Variants in TEAD2 observed in about 807,000 individuals in gnomAD.
TEAD2 encodes TEA domain transcription factor 2.
TEAD2 carries 51 observed loss-of-function variants against 61.4 expected under a neutral mutation model. The ratio of observed to expected loss-of-function variants is 0.83; its 90% CI spans 0.66 to 1.05. The LOEUF is 1.05. TEAD2 is among the 50% of genes least tolerant of loss of function. The pLI is 0.00. For synonymous variants in TEAD2, 244 were observed against 243.2 expected (o/e 1.00, Z -0.03); for missense variants, 509 against 600.0 (o/e 0.85, Z 1.58).
chr19:49,341,662 A>C lies in TEAD2; in HGVS notation c.1243-225T>G, dbSNP rs1182931507. On this transcript the variant is annotated intron_variant, in intron 12 of 12. Coordinates refer to ENST00000593945, the MANE Select transcript of TEAD2 (RefSeq NM_001256660.2). This position sits in a 1 kb window ranked among gnomAD's most constrained non-coding sequence, Gnocchi z 4.2. ...AGCGTTGGCAGTTATGGTGTATCAC[A>C]TCTCAGGGTTAATCGGGTTCCCATC... Among the ~76,000 whole-genome samples, 1 of 152,134 alleles carries C rather than the reference A, an allele frequency of 6.6e-6. No homozygotes were observed. Among genetic ancestry groups the C allele is most frequent in the Non-Finnish European group, 1.5e-5 (1 of 68,016 alleles).
chr19:49,355,006 AATACATACATACATGC>A (rs1972280325), intron 7 of TEAD2, 126 bp downstream of exon 7: 3 of 540,124 alleles, frequency 5.6e-6, no homozygotes, highest in South Asian at 4.3e-5. Context: ...CATGTCAATA[AATACATACATACATGC>A]ATACATACAT....
At chr19:49,360,113 C>CAAA in intron 1 of TEAD2, 32 bp from the exon 2 acceptor site, 1 of 1,547,976 alleles carries the variant, frequency 6.5e-7, no homozygotes, top group East Asian at 2.3e-5. Flanking sequence ...CAAGCTTCCC[C>CAAA]CAAACCCCAC....
chr19:49,355,071 G>C (rs1049881544), intron 7 of TEAD2, 77 bp downstream of exon 7: 1 of 1,026,948 alleles, frequency 9.7e-7, no homozygotes, highest in Non-Finnish European at 1.5e-6. Context: ...ACAGGAGCTA[G>C]AAGGTGGAGT....
chr19:49,355,009 ACATACATACATG>A, intron 7 of TEAD2, 127 bp downstream of exon 7: 2 of 534,488 alleles, frequency 3.7e-6, no homozygotes, highest in African/African-American at 2.0e-5. Context: ...GTCAATAAAT[ACATACATACATG>A]CATACATACA....
At chr19:49,349,797 C>A (rs372911757) in intron 8 of TEAD2, among the ~76,000 whole-genome samples, 1 of 152,084 alleles carries the variant, frequency 6.6e-6, no homozygotes, top group East Asian at 1.9e-4. Context: ...TATAAATCAC[C>A]CAGTTTCAGG....
chr19:49,350,468 T>C (rs944149523), intron 8 of TEAD2, among the ~76,000 whole-genome samples: 6 of 151,968 alleles, frequency 3.9e-5, no homozygotes. Context: ...TACAGGCAAG[T>C]GCTACTGCTA....
rs913761942 is a variant in TEAD2 at position 49,341,919 on chromosome 19, G to A, written c.1243-482C>T. Among the ~76,000 whole-genome samples the A allele has an allele frequency of 3.3e-5, 5 of 152,096 alleles. No individual in the cohort carries two copies. The highest frequency in any genetic ancestry group is 4.8e-5 in the African/African-American group (2 of 41,418). On this transcript the variant is annotated intron_variant, in intron 12 of 12. Coordinates refer to ENST00000593945, the MANE Select transcript of TEAD2 (RefSeq NM_001256660.2). This position sits in a 1 kb window ranked among gnomAD's most constrained non-coding sequence, Gnocchi z 4.2. Reference sequence around the variant, plus strand: ...ATGTGCGAGTGCTGTGGGGCTGGGCGTGGTGGCTCACACCTGTAATCCCAG... The same window carrying A: ...ATGTGCGAGTGCTGTGGGGCTGGGCATGGTGGCTCACACCTGTAATCCCAG...
At chr19:49,346,243 G>A (rs1360333247) in intron 10 of TEAD2, among the ~76,000 whole-genome samples, 1 of 151,460 alleles carries the variant, frequency 6.6e-6, no homozygotes, top group African/African-American at 2.4e-5. Context: ...CATCATACTG[G>A]ACACCAAACC....
intron 10 of TEAD2, among the ~76,000 whole-genome samples, chr19:49,344,829 A>G (rs897280777): frequency 6.6e-6 from 1 of 151,914 alleles, no homozygotes; most frequent in Non-Finnish European, 1.5e-5. Context: ...TCCCTCCATG[A>G]CCCCAGTGGC....
chr19:49,359,416 C>T lies in TEAD2; in HGVS notation c.297+19G>A. The T allele has an allele frequency of 6.2e-7, 1 of 1,613,680 alleles. No individual in the cohort carries two copies. Among genetic ancestry groups the T allele is most frequent in the Non-Finnish European group, 8.5e-7 (1 of 1,179,678 alleles). On this transcript the variant is annotated intron_variant, in intron 3 of 12. Coordinates refer to ENST00000593945, the MANE Select transcript of TEAD2 (RefSeq NM_001256660.2). The surrounding 1 kb of genome is among the most constrained non-coding windows in gnomAD (Gnocchi z 4.1). ...GACCGGCCCATCCCAGACAGAAGCC[C>T]ACAAGTCCATTCCGAGACCTGTTTT...
chr19:49,355,057 G>A, intron 7 of TEAD2, 91 bp downstream of exon 7: 1 of 735,616 alleles, frequency 1.4e-6, no homozygotes, highest in Admixed American at 2.3e-5. Flanking sequence ...ATAAATGGGG[G>A]GACACAGGAG....
chr19:49,343,250 T>C lies in TEAD2; in HGVS notation c.1070A>G (p.Gln357Arg). The C allele has an allele frequency of 6.2e-7, 1 of 1,612,478 alleles. No homozygotes were observed. Residue 357 changes from glutamine to arginine, a missense_variant, in exon 11 of 13, where the codon CAG becomes CGG. Transcript: ENST00000593945. ...CSSKVCSFGK[Q>R]VVEKVETERA... ...CCTCACCTCCACCTTCTCCACCACC[T>C]GCTTGCCAAAAGAGCAGACCTTGGA...
chr19:49,353,741 C>T (rs1033201991), intron 7 of TEAD2, among the ~76,000 whole-genome samples: 2 of 151,620 alleles, frequency 1.3e-5, no homozygotes, highest in African/African-American at 4.8e-5. Flanking sequence ...CAGTGACCTT[C>T]CTTCTCTTCC....
Position 49,342,587 on chromosome 19 carries a change from C to T in TEAD2, c.1093G>A (p.Glu365Lys). The change falls in exon 12 of 13, where the codon GAA becomes AAA. Residue 365 changes from glutamate to lysine, a missense_variant. Glu to Lys is a moderately conservative substitution (Grantham distance 56). Coordinates refer to ENST00000593945, the MANE Select transcript of TEAD2 (RefSeq NM_001256660.2). ...CTGCCGTCCTCCAGCTGGGCCCGTT[C>T]CGTCTGAACCAAGGGGAAGGGAGTT... ...GKQVVEKVET[E>K]RAQLEDGRFV... 1 of 1,610,652 alleles carries T rather than the reference C, an allele frequency of 6.2e-7. No homozygotes were observed. Among genetic ancestry groups the T allele is most frequent in the South Asian group, 1.1e-5 (1 of 90,992 alleles).
intron 8 of TEAD2, among the ~76,000 whole-genome samples, chr19:49,349,824 T>C: frequency 6.6e-6 from 1 of 152,154 alleles, no homozygotes; most frequent in East Asian, 1.9e-4. Context: ...TTTACAGCAA[T>C]GCAAATGGAC....
rs756245416 is a variant in TEAD2, at chr19:49,342,535, G to A, written c.1145C>T (p.Pro382Leu). 1.9e-6 allele frequency: 3 copies of A among 1,614,096 alleles called. No homozygotes were observed. The highest frequency in any genetic ancestry group is 1.1e-5 in the South Asian group (1 of 91,076). Reference sequence around the variant, plus strand: ...GAAATTCACCAGGTACTCGCACATGGGCGAGCGCAGCAGGCGGTACACAAA... The same window carrying A: ...GAAATTCACCAGGTACTCGCACATGAGCGAGCGCAGCAGGCGGTACACAAA... The part of the protein sequence containing the change: ...GRFVYRLLRS[P>L]MCEYLVNFLH... The change falls in exon 12 of 13, where the codon CCC (proline) becomes CTC (leucine). Residue 382 changes from proline to leucine, a missense_variant. Coordinates refer to ENST00000593945, the MANE Select transcript of TEAD2 (RefSeq NM_001256660.2).
chr19:49,343,854 T>TGGG (rs201072189), intron 10 of TEAD2, among the ~76,000 whole-genome samples: 7,082 of 108,062 alleles, frequency 0.066, 452 homozygotes, highest in Non-Finnish European at 0.1. Context: ...GTCTTTTTTT[T>TGGG]TGGGGGGGGG....
intron 10 of TEAD2, among the ~76,000 whole-genome samples, chr19:49,344,651 C>T (rs906690383): frequency 1.3e-5 from 2 of 152,156 alleles, no homozygotes; most frequent in African/African-American, 4.8e-5. Flanking sequence ...GTTACTATGG[C>T]AGTTACTTCT....
In TEAD2 at chr19:49,359,422, T is replaced by A. The variant is rs762225675; in HGVS notation, c.297+13A>T. 7 of 1,613,820 alleles carry A rather than the reference T, an allele frequency of 4.3e-6. No individual in the cohort carries two copies. The highest frequency in any genetic ancestry group is 1.7e-4 in the Middle Eastern group (1 of 6,032). The stretch of plus-strand genomic sequence containing the variant: ...CCCATCCCAGACAGAAGCCCACAAG[T>A]CCATTCCGAGACCTGTTTTCGAGTT... On this transcript the variant is annotated intron_variant, in intron 3 of 12. Transcript: ENST00000593945. The surrounding 1 kb of genome is among the most constrained non-coding windows in gnomAD (Gnocchi z 4.1).
Sources: allele counts gnomAD v4.1 joint callset (sites outside exome capture counted in the v4.1 genomes callset), GRCh38; gene constraint gnomAD v4.1.1; non-coding constraint Gnocchi (gnomAD v3.1); transcripts MANE v1.5; gene names NCBI Gene and HGNC (gene_info 2026-07-23, HGNC 2026-07-21).